The following DACH2 variants were observed in gnomAD, a reference collection of about 807,000 sequenced individuals.
DACH2 encodes dachshund family transcription factor 2.
A neutral mutation model predicts 35.8 loss-of-function variants in DACH2; 17 were observed. That is an observed-to-expected ratio of 0.48 (90% CI 0.33 to 0.71). The LOEUF (loss-of-function observed/expected upper bound fraction) is 0.71, where lower values mean the gene tolerates loss of function less well. DACH2 is among the 30% of genes least tolerant of loss of function. DACH2 has a pLI of 0.02. For synonymous variants in DACH2, 195 were observed against 177.3 expected (o/e 1.10, Z -0.79); for missense variants, 469 against 472.7 (o/e 0.99, Z 0.07).
intron 6 of DACH2, among the ~76,000 whole-genome samples, chrX:86,715,910 A>G (rs1169627983): frequency 4.5e-5 from 5 of 111,914 alleles, no homozygotes; most frequent in African/African-American, 1.3e-4. Flanking sequence ...AAAGAACTGA[A>G]GGCAGAGGAA....
chrX:86,295,602 G>T (rs905211559), intron 1 of DACH2, among the ~76,000 whole-genome samples: 10 of 111,279 alleles, frequency 9.0e-5, no homozygotes, highest in Non-Finnish European at 1.9e-4. Context: ...GGACCACTAG[G>T]ATTGACAATT....
chrX:86,803,405 A>G (rs1206287317), intron 7 of DACH2, among the ~76,000 whole-genome samples: 1 of 112,019 alleles, frequency 8.9e-6, no homozygotes, highest in Non-Finnish European at 1.9e-5. Context: ...ATATTTGTAG[A>G]TTATAGTAAT....
At chrX:86,270,885 T>C (rs1327956394) in intron 1 of DACH2, among the ~76,000 whole-genome samples, 1 of 111,546 alleles carries the variant, frequency 9.0e-6, no homozygotes, top group Non-Finnish European at 1.9e-5. Context: ...GGGTCCCCAA[T>C]AGAGGGAGAA....
At chrX:86,666,983 C>T (rs1263451031) in intron 4 of DACH2, among the ~76,000 whole-genome samples, 2 of 106,743 alleles carry the variant, frequency 1.9e-5, no homozygotes, top group African/African-American at 6.8e-5. Flanking sequence ...TGGTGGCTCT[C>T]CCCTGTAATC....
At chrX:86,407,436 A>T (rs2036543487) in intron 2 of DACH2, among the ~76,000 whole-genome samples, 1 of 112,198 alleles carries the variant, frequency 8.9e-6, no homozygotes, top group African/African-American at 3.2e-5. Flanking sequence ...TTAAATTTTA[A>T]ACAACTCTCT....
chrX:86,477,490 C>G (rs1336748716), intron 2 of DACH2, among the ~76,000 whole-genome samples: 1 of 107,402 alleles, frequency 9.3e-6, no homozygotes, highest in Non-Finnish European at 1.9e-5. Context: ...GACACCTGCT[C>G]TTTTTTGTTT....
At chrX:86,328,198 A>G (rs1423467589) in intron 1 of DACH2, among the ~76,000 whole-genome samples, 1 of 111,717 alleles carries the variant, frequency 9.0e-6, no homozygotes, top group Non-Finnish European at 1.9e-5. Context: ...ATTCCTTTTG[A>G]TAGTGGATAT....
chrX:86,727,569 C>T (rs1189087748), intron 6 of DACH2, among the ~76,000 whole-genome samples: 2 of 111,003 alleles, frequency 1.8e-5, no homozygotes, highest in Non-Finnish European at 3.8e-5. Context: ...GTGTTTGGAT[C>T]ATGAGGGTGG....
rs1264451825 is a variant in DACH2 at position 86,447,282 on chromosome X, A to G, written c.528-66997A>G. Among the ~76,000 whole-genome samples, 6 of 35,387 alleles carry G rather than the reference A, an allele frequency of 1.7e-4. No individual in the cohort carries two copies. The East Asian group carries it at 4.6e-3, about 27-fold the overall frequency. 30.7% of individuals were successfully genotyped at this position (35,387 alleles called of 115,157 possible). On this transcript the variant is annotated intron_variant, in intron 2 of 11. Transcript: ENST00000373125. ...CTGATGGTAGTTTCTTTTGCTGTGC[A>G]GAAGCTCTTTAGTTTAATTAGATCC... is the stretch of plus-strand genomic sequence containing the variant.
At position 86,148,800 on chromosome X, in the gene DACH2, G is replaced by A; in HGVS notation, c.180G>A (p.Arg60=). The A allele has an allele frequency of 8.3e-7, 1 of 1,211,682 alleles. No individual in the cohort carries two copies. The stretch of plus-strand genomic sequence containing the variant: ...GCAACAGTGCCGGAGGCGGCGGCAG[G>A]GGCAACACCAACACCAACGAGTGCC... ...NHSNSAGGGG[R]GNTNTNECRM... Residue 60 remains arginine, a synonymous_variant, in exon 1 of 12, where the codon AGG becomes AGA. Transcript: ENST00000373125.
chrX:86,306,132 G>A (rs767548656), intron 1 of DACH2, among the ~76,000 whole-genome samples: 21 of 111,976 alleles, frequency 1.9e-4, no homozygotes, highest in African/African-American at 5.2e-4. Context: ...TTGTCAAAGA[G>A]ATACCTATAC....
At chrX:86,824,825 C>T (rs908088561) in intron 11 of DACH2, among the ~76,000 whole-genome samples, 7 of 111,902 alleles carry the variant, frequency 6.3e-5, no homozygotes, top group African/African-American at 1.9e-4. Flanking sequence ...CTAATAAACC[C>T]TCAAATCTTA....
intron 7 of DACH2, among the ~76,000 whole-genome samples, chrX:86,756,438 A>AG (rs746678013): frequency 8.5e-4 from 90 of 105,851 alleles, no homozygotes; most frequent in Non-Finnish European, 1.4e-3. Flanking sequence ...TTTCTTCTAG[A>AG]GATCTTTCAC....
intron 2 of DACH2, among the ~76,000 whole-genome samples, chrX:86,450,433 T>C (rs1228601566): frequency 3.6e-5 from 4 of 111,798 alleles, no homozygotes; most frequent in African/African-American, 9.7e-5. Flanking sequence ...TAGTATTCCA[T>C]GGTGCATATG....
chrX:86,375,393 A>G (rs979636649), intron 1 of DACH2, among the ~76,000 whole-genome samples: 1 of 100,900 alleles, frequency 9.9e-6, no homozygotes, highest in African/African-American at 3.5e-5. Flanking sequence ...ATACATATAT[A>G]TATATATACA....
At chrX:86,666,505 T>C (rs750093489) in intron 4 of DACH2, among the ~76,000 whole-genome samples, 1 of 111,758 alleles carries the variant, frequency 8.9e-6, no homozygotes, top group African/African-American at 3.3e-5. Flanking sequence ...GACATTAAGT[T>C]GGGAAATTGC....
intron 2 of DACH2, among the ~76,000 whole-genome samples, chrX:86,426,093 G>C (rs1482085874): frequency 9.0e-6 from 1 of 111,441 alleles, no homozygotes; most frequent in Admixed American, 9.5e-5. Context: ...AAATATTGTA[G>C]CCACAAAATT....
chrX:86,664,480 G>T (rs999737855), intron 4 of DACH2, among the ~76,000 whole-genome samples: 9 of 111,436 alleles, frequency 8.1e-5, no homozygotes, highest in African/African-American at 2.9e-4. Flanking sequence ...AACTATACCT[G>T]CCATGGAGTT....
Position 86,813,199 on chromosome X carries a change from C to T in DACH2, c.1459C>T (p.Leu487=). The T allele has an allele frequency of 1.7e-6, 2 of 1,206,830 alleles. No individual in the cohort carries two copies. Among genetic ancestry groups the T allele is most frequent in the Non-Finnish European group, 2.2e-6 (2 of 893,182 alleles). ...GCAGATTCAACAAGAAAAGAAGGAG[C>T]TGCGACTGGAGCTCTATAGAGAGAG... is the stretch of plus-strand genomic sequence containing the variant. ...EKQIQQEKKE[L]RLELYREREI... The change falls in exon 9 of 12, where the codon CTG becomes TTG. Residue 487 remains leucine, a synonymous_variant. Transcript: ENST00000373125.
Sources: gnomAD v4.1 joint callset for allele counts (sites outside exome capture counted in the v4.1 genomes callset) on GRCh38, gnomAD v4.1.1 for gene constraint, MANE v1.5 for transcripts, NCBI Gene and HGNC (gene_info 2026-07-23, HGNC 2026-07-21) for gene names.